Variants in XYLT1 observed in about 807,000 individuals in gnomAD.
XYLT1 encodes beta-D-xylosyltransferase 1.
In XYLT1, 36 loss-of-function variants were observed where a neutral mutation model predicts 91.3. That is an observed-to-expected ratio of 0.39 (90% CI 0.30 to 0.52). The LOEUF (loss-of-function observed/expected upper bound fraction) is 0.52, where lower values mean the gene tolerates loss of function less well. Among genes scored for constraint, XYLT1 ranks in the 20% least tolerant of loss-of-function variants. XYLT1 has a pLI of 0.68. For missense variants in XYLT1, 1,242 were observed against 1,284.5 expected (o/e 0.97, Z 0.51); for synonymous variants, 588 against 532.0 (o/e 1.11, Z -1.45).
chr16:17,337,833 C>T (rs1018996298), intron 2 of XYLT1, among the ~76,000 whole-genome samples: 4 of 136,508 alleles, frequency 2.9e-5, no homozygotes, highest in Non-Finnish European at 6.1e-5. Flanking sequence ...CAGGCTGGAG[C>T]GCAGTGACGC....
intron 3 of XYLT1, among the ~76,000 whole-genome samples, chr16:17,246,208 T>G (rs968685823): frequency 2.6e-5 from 4 of 152,226 alleles, no homozygotes; most frequent in Non-Finnish European, 5.9e-5. Context: ...ACAAAGTTGT[T>G]ATGAGGAATA....
chr16:17,357,738 C>A (rs1445179368), intron 2 of XYLT1, among the ~76,000 whole-genome samples: 1 of 152,186 alleles, frequency 6.6e-6, no homozygotes, highest in African/African-American at 2.4e-5. Context: ...GAAGGACAGA[C>A]GAAAACTCAA....
chr16:17,418,082 A>G (rs2036202600), intron 1 of XYLT1, among the ~76,000 whole-genome samples: 1 of 152,228 alleles, frequency 6.6e-6, no homozygotes, highest in African/African-American at 2.4e-5. Context: ...AATCCAAGAA[A>G]GAACCATCCA....
At chr16:17,290,301 T>A (rs2034202868) in intron 2 of XYLT1, among the ~76,000 whole-genome samples, 1 of 152,286 alleles carries the variant, frequency 6.6e-6, no homozygotes, top group Non-Finnish European at 1.5e-5. Flanking sequence ...CTATCTGGAC[T>A]GACTTTAATT....
At chr16:17,348,581 T>C (rs990060288) in intron 2 of XYLT1, among the ~76,000 whole-genome samples, 2 of 152,148 alleles carry the variant, frequency 1.3e-5, no homozygotes, top group South Asian at 2.1e-4. Flanking sequence ...GATGTTGTTA[T>C]GAGGAAACGA....
intron 5 of XYLT1, among the ~76,000 whole-genome samples, chr16:17,164,281 T>G (rs1253095608): frequency 7.1e-6 from 1 of 141,296 alleles, no homozygotes; most frequent in Admixed American, 7.4e-5. Flanking sequence ...TTTGTGATAT[T>G]TGATGTCACA....
At chr16:17,253,023 A>G (rs1057134313) in intron 3 of XYLT1, among the ~76,000 whole-genome samples, 1 of 152,206 alleles carries the variant, frequency 6.6e-6, no homozygotes, top group Non-Finnish European at 1.5e-5. Flanking sequence ...AAATAAAAGG[A>G]CCACTGGGCT....
At chr16:17,334,807 T>C (rs1269343485) in intron 2 of XYLT1, among the ~76,000 whole-genome samples, 2 of 150,234 alleles carry the variant, frequency 1.3e-5, no homozygotes, top group East Asian at 4.0e-4. Context: ...GGCGTGAACC[T>C]AGGAGGCGGA....
chr16:17,258,741 A>T (rs764795308), intron 3 of XYLT1, among the ~76,000 whole-genome samples: 6 of 152,212 alleles, frequency 3.9e-5, no homozygotes, highest in Non-Finnish European at 7.3e-5. Context: ...CTATAATTTC[A>T]TCCTTTGCCA....
chr16:17,314,676 C>G (rs938674142), intron 2 of XYLT1, among the ~76,000 whole-genome samples: 2 of 152,166 alleles, frequency 1.3e-5, no homozygotes, highest in African/African-American at 4.8e-5. Flanking sequence ...AACCACTACA[C>G]TAGTGAGAGA....
chr16:17,269,116 C>T (rs992346029), intron 2 of XYLT1, among the ~76,000 whole-genome samples: 1 of 152,180 alleles, frequency 6.6e-6, no homozygotes, highest in African/African-American at 2.4e-5. Flanking sequence ...TACTGGGCCT[C>T]TCAGCTTTAC....
At chr16:17,181,192 C>G (rs1567311066) in intron 5 of XYLT1, among the ~76,000 whole-genome samples, 1 of 152,148 alleles carries the variant, frequency 6.6e-6, no homozygotes, top group East Asian at 1.9e-4. Context: ...CTTCAAACAG[C>G]CTTGCAGCAG....
rs181516708 is a variant in XYLT1, at chr16:17,154,622, C to T, written c.1370+4207G>A. 2.7e-3 allele frequency among the ~76,000 whole-genome samples: 407 copies of T among 152,292 alleles called. 4 individuals are homozygous for T. The highest frequency in any genetic ancestry group is 8.8e-3 in the African/African-American group (364 of 41,560). On this transcript the variant is annotated intron_variant, in intron 6 of 11. Transcript: ENST00000261381. ...GCTGCCTGGGAAAATGACAATTGTG[C>T]TACCTGTCTTGCAATGTATCTAGTG... is the stretch of plus-strand genomic sequence containing the variant.
chr16:17,143,547 C>T (rs1485564979), intron 6 of XYLT1, among the ~76,000 whole-genome samples: 2 of 152,208 alleles, frequency 1.3e-5, no homozygotes, highest in African/African-American at 4.8e-5. Flanking sequence ...TCCACACCAC[C>T]ACAGTTTCCC....
intron 5 of XYLT1, among the ~76,000 whole-genome samples, chr16:17,164,089 T>C (rs1323569869): frequency 7.6e-6 from 1 of 131,244 alleles, no homozygotes; most frequent in African/African-American, 2.8e-5. Context: ...TGCTGGTGCA[T>C]GAGGGACTGT....
intron 5 of XYLT1, among the ~76,000 whole-genome samples, chr16:17,160,482 T>C (rs1430734797): frequency 6.6e-6 from 1 of 152,166 alleles, no homozygotes; most frequent in Non-Finnish European, 1.5e-5. Context: ...ACAAAGCAGT[T>C]AAGAGAGGCA....
chr16:17,138,922 C>T (rs144756495), intron 7 of XYLT1, among the ~76,000 whole-genome samples: 131 of 152,294 alleles, frequency 8.6e-4, no homozygotes, highest in Non-Finnish European at 1.6e-3. Flanking sequence ...GACTGGTGTG[C>T]TGGAATTTCA....
At chr16:17,438,280 C>T (rs965617475) in intron 1 of XYLT1, among the ~76,000 whole-genome samples, 3 of 152,272 alleles carry the variant, frequency 2.0e-5, no homozygotes, top group African/African-American at 4.8e-5. Context: ...TGGTGGCTGA[C>T]CCAACCCATA....
intron 3 of XYLT1, among the ~76,000 whole-genome samples, chr16:17,206,364 G>C (rs2032644209): frequency 6.6e-6 from 1 of 152,012 alleles, no homozygotes; most frequent in African/African-American, 2.4e-5. Context: ...GAGCTGTCTG[G>C]TGCCCAGAAA....
Sources: allele counts gnomAD v4.1 joint callset (sites outside exome capture counted in the v4.1 genomes callset), GRCh38; gene constraint gnomAD v4.1.1; transcripts MANE v1.5; gene names NCBI Gene and HGNC (gene_info 2026-07-23, HGNC 2026-07-21).